Variants in DPYD observed in about 807,000 individuals in gnomAD.
The protein encoded by DPYD is dihydropyrimidine dehydrogenase [NADP(+)].
In DPYD, 109 loss-of-function variants were observed where a neutral mutation model predicts 116.2. The ratio of observed to expected loss-of-function variants is 0.94; its 90% confidence interval spans 0.80 to 1.10. The LOEUF (loss-of-function observed/expected upper bound fraction) is 1.10, where lower values mean the gene tolerates loss of function less well. DPYD is among the 50% of genes least tolerant of loss of function. The pLI is 0.00. For synonymous variants in DPYD, 440 were observed against 432.0 expected (o/e 1.02, Z -0.23); for missense variants, 1,302 against 1,254.5 (o/e 1.04, Z -0.57).
At chr1:97,148,136 T>C (rs1654762782) in intron 20 of DPYD, among the ~76,000 whole-genome samples, 1 of 152,010 alleles carries the variant, frequency 6.6e-6, no homozygotes, top group Non-Finnish European at 1.5e-5. Context: ...TAAGCTGTCA[T>C]GCATGACAAG....
At chr1:97,086,277 T>C (rs1649509813) in intron 21 of DPYD, among the ~76,000 whole-genome samples, 1 of 152,038 alleles carries the variant, frequency 6.6e-6, no homozygotes, top group Non-Finnish European at 1.5e-5. Context: ...GGTCTCAAAC[T>C]CTTGACCTTG....
intron 13 of DPYD, among the ~76,000 whole-genome samples, chr1:97,476,337 T>A (rs1677959857): frequency 6.6e-6 from 1 of 152,010 alleles, no homozygotes; most frequent in South Asian, 2.1e-4. Flanking sequence ...TAAAATGTGT[T>A]CAAAACCAAT....
chr1:97,488,191 T>A (rs572182802), intron 13 of DPYD, among the ~76,000 whole-genome samples: 4 of 152,296 alleles, frequency 2.6e-5, no homozygotes, highest in African/African-American at 9.6e-5. Context: ...AAGATTACAC[T>A]TGTATAAATC....
At chr1:97,543,366 C>T (rs1355296718) in intron 12 of DPYD, among the ~76,000 whole-genome samples, 3 of 152,164 alleles carry the variant, frequency 2.0e-5, no homozygotes, top group Non-Finnish European at 4.4e-5. Context: ...AGCAAATTAA[C>T]TGATGAAATT....
At chr1:97,607,976 C>T (rs796081636) in intron 8 of DPYD, among the ~76,000 whole-genome samples, 1 of 151,718 alleles carries the variant, frequency 6.6e-6, no homozygotes, top group Non-Finnish European at 1.5e-5. Flanking sequence ...AGAACAAAAG[C>T]AACAAAACAC....
chr1:97,253,009 T>C (rs1184815088), intron 18 of DPYD, among the ~76,000 whole-genome samples: 3 of 152,280 alleles, frequency 2.0e-5, no homozygotes, highest in South Asian at 4.1e-4. Context: ...TGGAAATGTA[T>C]TGAAAAAGTT....
chr1:97,419,302 TCAC>T (rs1189970646), intron 14 of DPYD, among the ~76,000 whole-genome samples: 1 of 152,176 alleles, frequency 6.6e-6, no homozygotes, highest in African/African-American at 2.4e-5. Flanking sequence ...ACTTGAATAA[TCAC>T]CATCTCTGGT....
intron 20 of DPYD, among the ~76,000 whole-genome samples, chr1:97,140,669 C>A (rs966513289): frequency 1.3e-5 from 2 of 152,092 alleles, no homozygotes; most frequent in Non-Finnish European, 2.9e-5. Context: ...CACAGACGAC[C>A]TAAGCATCCG....
intron 21 of DPYD, among the ~76,000 whole-genome samples, chr1:97,082,944 T>C (rs943557300): frequency 6.6e-6 from 1 of 152,154 alleles, no homozygotes; most frequent in Non-Finnish European, 1.5e-5. Context: ...GGATTTTAGA[T>C]TTTAATTTAA....
intron 18 of DPYD, among the ~76,000 whole-genome samples, chr1:97,263,954 T>A (rs2100860569): frequency 6.6e-6 from 1 of 152,190 alleles, no homozygotes; most frequent in Non-Finnish European, 1.5e-5. Context: ...ATATGTCAAG[T>A]ACTTATAACA....
chr1:97,574,592 A>G (rs1329470783), intron 10 of DPYD, among the ~76,000 whole-genome samples: 1 of 152,082 alleles, frequency 6.6e-6, no homozygotes. Flanking sequence ...GTTCTTCCCC[A>G]TTTCCTACGT....
At chr1:97,851,512 T>C (rs193092650) in intron 2 of DPYD, among the ~76,000 whole-genome samples, 1 of 151,854 alleles carries the variant, frequency 6.6e-6, no homozygotes, top group Non-Finnish European at 1.5e-5. Flanking sequence ...TTCAAGAAAA[T>C]ATAGTTATAA....
intron 5 of DPYD, chr1:97,719,676 C>T: frequency 1.0e-6 from 1 of 982,904 alleles, no homozygotes. Context: ...AAGTAAACCA[C>T]ACACTGACCT....
intron 8 of DPYD, among the ~76,000 whole-genome samples, chr1:97,639,769 C>T (rs1449050672): frequency 6.6e-6 from 1 of 152,014 alleles, no homozygotes; most frequent in Non-Finnish European, 1.5e-5. Flanking sequence ...ACATTGATTC[C>T]AATTATCTCA....
intron 1 of DPYD, among the ~76,000 whole-genome samples, chr1:97,916,658 G>A (rs975989186): frequency 6.6e-6 from 1 of 152,088 alleles, no homozygotes; most frequent in African/African-American, 2.4e-5. Flanking sequence ...CCTCCATCAA[G>A]ATCCATCATT....
chr1:97,566,772 T>G (rs1652547866), intron 11 of DPYD, among the ~76,000 whole-genome samples: 1 of 152,120 alleles, frequency 6.6e-6, no homozygotes, highest in Admixed American at 6.6e-5. Flanking sequence ...CAAAGAAAAT[T>G]TTGCCACCAG....
intron 12 of DPYD, among the ~76,000 whole-genome samples, chr1:97,540,920 G>T (rs915019708): frequency 1.3e-5 from 2 of 152,164 alleles, no homozygotes; most frequent in Non-Finnish European, 2.9e-5. Flanking sequence ...GGGTAAAGAT[G>T]AAAATTTCAC....
At position 97,261,516 on chromosome 1, in the gene DPYD, T is replaced by A. The variant is rs200378008; in HGVS notation, c.2300-26522A>T. ...ATCTTTTTTTTTTTTTTTTTTTTTT[T>A]AAAAAAGAACGATTTGTGTCTCTCT... On this transcript the variant is annotated intron_variant, in intron 18 of 22. Coordinates refer to ENST00000370192, the MANE Select transcript of DPYD (RefSeq NM_000110.4). Among the ~76,000 whole-genome samples, 85 of 46,804 alleles carry A rather than the reference T, an allele frequency of 1.8e-3. 2 individuals carry two copies. The South Asian group carries it at 0.021, about 12-fold the overall frequency. The allele number at this position is 46,804 out of a possible 152,430, so 30.7% of individuals were successfully genotyped here.
intron 18 of DPYD, among the ~76,000 whole-genome samples, chr1:97,259,478 C>T (rs1055473552): frequency 1.3e-5 from 2 of 151,896 alleles, no homozygotes; most frequent in Non-Finnish European, 1.5e-5. Flanking sequence ...CCTCAAGTGC[C>T]CCTCCTGCCT....
Sources: allele counts gnomAD v4.1 joint callset (sites outside exome capture counted in the v4.1 genomes callset), GRCh38; gene constraint gnomAD v4.1.1; transcripts MANE v1.5; gene names NCBI Gene and HGNC (gene_info 2026-07-23, HGNC 2026-07-21).